Variants in EPB41L1 observed in about 807,000 individuals in gnomAD.
The protein encoded by EPB41L1 is band 4.1-like protein 1.
EPB41L1 carries 29 observed loss-of-function variants against 97.8 expected under a neutral mutation model. That is an observed-to-expected ratio of 0.30 (90% confidence interval 0.22 to 0.40). The LOEUF is 0.40. Among genes scored for constraint, EPB41L1 ranks in the 10% least tolerant of loss-of-function variants. The pLI, the probability that EPB41L1 is intolerant of heterozygous loss-of-function variation, is 1.00. For missense variants in EPB41L1, 812 were observed against 1,162.3 expected, an observed-to-expected ratio of 0.70 and a Z score of 4.38; for synonymous variants, 383 against 459.2, an observed-to-expected ratio of 0.83 and a Z score of 2.12.
rs1299991141 is a variant in EPB41L1 at position 36,207,457 on chromosome 20, C to T, written c.1669-2031C>T. ...CAAGACCTCAGTGGCCAACAAAATT[C>T]GGATATTTGAGACCCACGGAGCTGA... On this transcript the variant is annotated intron_variant, in intron 14 of 21. Transcript: ENST00000338074. This position sits in a 1 kb window ranked among gnomAD's most constrained non-coding sequence, Gnocchi z 4.9. 12 of 1,289,762 alleles carry T rather than the reference C, an allele frequency of 9.3e-6. No homozygotes were observed. The highest frequency in any genetic ancestry group is 3.7e-5 in the South Asian group (3 of 81,030). The allele number at this position is 1,289,762 out of a possible 1,614,324, so 79.9% of individuals were successfully genotyped here. A position where few individuals can be genotyped will look rare whatever the true frequency, so the allele number is the denominator to read the frequency against.
At position 36,207,870 on chromosome 20, in the gene EPB41L1, A is replaced by G. The variant is rs1417570028; in HGVS notation, c.1669-1618A>G. The G allele has an allele frequency of 8.4e-7, 1 of 1,186,268 alleles. No individual in the cohort carries two copies. The allele number at this position is 1,186,268 out of a possible 1,614,324, so 73.5% of individuals were successfully genotyped here. A position where few individuals can be genotyped will look rare whatever the true frequency, so the allele number is the denominator to read the frequency against. ...TCTGTAGTTTTTAGAAGCATGTTTC[A>G]GTGGCCCCTCGTCATTTCTGCAATC... is the stretch of plus-strand genomic sequence containing the variant. On this transcript the variant is annotated intron_variant, in intron 14 of 21. Coordinates refer to ENST00000338074, the MANE Select transcript of EPB41L1 (RefSeq NM_012156.2). The surrounding 1 kb of genome is among the most constrained non-coding windows in gnomAD (Gnocchi z 4.9).
At chr20:36,140,020 G>GCACCCAACCAGGAT (rs2059575816) in intron 2 of EPB41L1, among the ~76,000 whole-genome samples, 2 of 151,272 alleles carry the variant, frequency 1.3e-5, no homozygotes, top group Middle Eastern at 3.4e-3. Flanking sequence ...ATGAGCCACC[G>GCACCCAACCAGGAT]TGCCCGGCCT....
chr20:36,152,612 TTGAAGGCAGG>T (rs2060100132), upstream of EPB41L1: 1 of 213,522 alleles, frequency 4.7e-6, no homozygotes, highest in Non-Finnish European at 9.6e-6. Context: ...ATCAAAATAC[TTGAAGGCAGG>T]CAGTCAAGAA....
At chr20:36,118,222 C>T (rs1253851650) in intron 2 of EPB41L1, among the ~76,000 whole-genome samples, 3 of 152,086 alleles carry the variant, frequency 2.0e-5, no homozygotes, top group Admixed American at 6.5e-5. Flanking sequence ...ACAGATGGTG[C>T]GTGCCTATAA....
At chr20:36,170,456 T>C (rs1415816867) in intron 1 of EPB41L1, among the ~76,000 whole-genome samples, 2 of 152,232 alleles carry the variant, frequency 1.3e-5, no homozygotes, top group Non-Finnish European at 2.9e-5. Context: ...TTGTGTATCA[T>C]GCTTTTTTTA....
intron 1 of EPB41L1, chr20:36,155,551 G>T: frequency 2.2e-6 from 1 of 455,546 alleles, no homozygotes; most frequent in Non-Finnish European, 4.4e-6. Flanking sequence ...GGGGTCTCAG[G>T]GATGGGCATG....
intron 2 of EPB41L1, among the ~76,000 whole-genome samples, chr20:36,119,375 G>A (rs1240106752): frequency 6.6e-6 from 1 of 152,190 alleles, no homozygotes; most frequent in East Asian, 1.9e-4. Flanking sequence ...GGCTGAGGTG[G>A]GCAGATCGCT....
intron 17 of EPB41L1, among the ~76,000 whole-genome samples, chr20:36,218,483 C>A (rs2063572926): frequency 6.6e-6 from 1 of 152,166 alleles, no homozygotes; most frequent in Non-Finnish European, 1.5e-5. Context: ...TCCTTTTTTA[C>A]AGATGAATCT....
At chr20:36,136,982 GGTCCTCCCATCTCAT>G in intron 2 of EPB41L1, among the ~76,000 whole-genome samples, 1 of 152,108 alleles carries the variant, frequency 6.6e-6, no homozygotes, top group African/African-American at 2.4e-5. Flanking sequence ...AGGCTCAAAT[GGTCCTCCCATCTCAT>G]CCTCCCAAGT....
At chr20:36,197,836 C>T (rs2062286223) in intron 13 of EPB41L1, 23 bp from the exon 14 acceptor site, 4 of 1,613,946 alleles carry the variant, frequency 2.5e-6, no homozygotes, top group Middle Eastern at 1.6e-4. Flanking sequence ...CCTAACACCA[C>T]CACCCTCTCC....
At chr20:36,139,458 A>T (rs978518529) in intron 2 of EPB41L1, among the ~76,000 whole-genome samples, 1 of 152,222 alleles carries the variant, frequency 6.6e-6, no homozygotes, top group African/African-American at 2.4e-5. Flanking sequence ...AATTTCAAAC[A>T]TACATAAAAA....
At chr20:36,171,662 G>T (rs901194034) in intron 1 of EPB41L1, among the ~76,000 whole-genome samples, 1 of 152,206 alleles carries the variant, frequency 6.6e-6, no homozygotes, top group Admixed American at 6.5e-5. Flanking sequence ...TTTCTATCCA[G>T]TGCTCTTGGC....
At chr20:36,186,819 A>G (rs550647688) in intron 7 of EPB41L1, among the ~76,000 whole-genome samples, 2 of 152,322 alleles carry the variant, frequency 1.3e-5, no homozygotes, top group Non-Finnish European at 2.9e-5. Flanking sequence ...CTCGTGTCCA[A>G]GTATCCCACA....
chr20:36,188,457 C>T lies in EPB41L1; in HGVS notation c.984C>T (p.Ser328=). Residue 328 remains serine (S), a synonymous_variant, in exon 9 of 22, where the codon TCC becomes TCT. Transcript: ENST00000338074. ...RFAWPKILKI[S]YKRSNFYIKI... is the part of the protein sequence containing the mutation. ...CCTGGCCCAAGATCCTCAAGATCTC[C>T]TACAAGAGGAGTAACTTCTATATCA... 1 of 1,613,922 alleles carries T rather than the reference C, an allele frequency of 6.2e-7. No homozygotes were observed. Among genetic ancestry groups the T allele is most frequent in the Non-Finnish European group, 8.5e-7 (1 of 1,179,972 alleles).
At position 36,100,974 on chromosome 20, in the gene EPB41L1, G is replaced by A. The variant is rs528400757; in HGVS notation, c.-65+9362G>A. Among the ~76,000 whole-genome samples the A allele has an allele frequency of 2.6e-5, 4 of 152,230 alleles. No individual in the cohort carries two copies. In the South Asian group the frequency reaches 8.3e-4, roughly 32 times the overall value. ...GAGACACTGCATCGGTATGGGGGGT[G>A]GTGACAGGGCCCATCTGAAGGTACT... On this transcript the variant is annotated intron_variant, in intron 1 of 19. Transcript: ENST00000202028.
At chr20:36,208,989 A>G (rs566530148) in intron 14 of EPB41L1, among the ~76,000 whole-genome samples, 6 of 152,254 alleles carry the variant, frequency 3.9e-5, no homozygotes, top group Non-Finnish European at 7.4e-5. Flanking sequence ...ATTGACAAAC[A>G]TGTTGGCTTC....
At chr20:36,189,477 T>C (rs1032161135) in intron 9 of EPB41L1, among the ~76,000 whole-genome samples, 3 of 152,212 alleles carry the variant, frequency 2.0e-5, no homozygotes, top group African/African-American at 7.2e-5. Context: ...CTTGAGATCT[T>C]TGAATAAGTC....
chr20:36,185,174 C>T lies in EPB41L1; in HGVS notation c.624C>T (p.Ser208=). ...ADIITGRLPC[S]FVTHALLGSY... The stretch of plus-strand genomic sequence containing the variant: ...TCATCACGGGCCGGCTGCCATGCTC[C>T]TTTGTCACGCATGCCCTACTGGGCT... The change falls in exon 7 of 22, where the codon TCC becomes TCT. Residue 208 remains serine (S), a synonymous_variant. Coordinates refer to ENST00000338074, the MANE Select transcript of EPB41L1 (RefSeq NM_012156.2). The T allele has an allele frequency of 1.2e-6, 2 of 1,613,316 alleles. No individual in the cohort carries two copies. Among genetic ancestry groups the T allele is most frequent in the Non-Finnish European group, 1.7e-6 (2 of 1,180,030 alleles).
At chr20:36,096,257 C>G (rs2057828137) in intron 1 of EPB41L1, among the ~76,000 whole-genome samples, 1 of 152,142 alleles carries the variant, frequency 6.6e-6, no homozygotes, top group South Asian at 2.1e-4. Flanking sequence ...CACTCAGGCC[C>G]CACCTGGTAG....
Sources: gnomAD v4.1 joint callset for allele counts (sites outside exome capture counted in the v4.1 genomes callset) on GRCh38, gnomAD v4.1.1 for gene constraint, Gnocchi (gnomAD v3.1) non-coding constraint, MANE v1.5 for transcripts, NCBI Gene and HGNC (gene_info 2026-07-23, HGNC 2026-07-21) for gene names.